Variants in CSMD1 observed in about 807,000 individuals in gnomAD.
The protein encoded by CSMD1 is CUB and sushi domain-containing protein 1.
Under a neutral mutation model 417.5 loss-of-function variants are expected in CSMD1, and 213 were observed. The observed-to-expected ratio is 0.51, with a 90% confidence interval of 0.46 to 0.57. The LOEUF (loss-of-function observed/expected upper bound fraction) is 0.57. Among genes scored for constraint, CSMD1 ranks in the 20% least tolerant of loss-of-function variants. The probability of loss-of-function intolerance (pLI) is 0.00; values close to 1 mark genes in which losing one functional copy is unlikely to be tolerated. For synonymous variants in CSMD1, 2,862 were observed against 1,736.8 expected (o/e 1.65, Z -16.11); for missense variants, 6,923 against 4,529.7 (o/e 1.53, Z -15.17).
chr8:3,658,419 G>A (rs1181695470), intron 7 of CSMD1, among the ~76,000 whole-genome samples: 2 of 148,020 alleles, frequency 1.4e-5, no homozygotes, highest in South Asian at 2.1e-4. Flanking sequence ...TGTTAGTAAT[G>A]TTTTGTTTTA....
At chr8:3,454,254 G>C (rs924569524) in intron 12 of CSMD1, among the ~76,000 whole-genome samples, 1 of 152,142 alleles carries the variant, frequency 6.6e-6, no homozygotes, top group African/African-American at 2.4e-5. Context: ...GATGGGTCTT[G>C]ACTCTTTATC....
intron 10 of CSMD1, among the ~76,000 whole-genome samples, chr8:3,530,907 G>C (rs1401562596): frequency 2.7e-5 from 4 of 150,822 alleles, no homozygotes; most frequent in Non-Finnish European, 4.4e-5. Flanking sequence ...ATCCAGACTG[G>C]AATGCAGTGG....
At chr8:4,689,005 A>C (rs1806584490) in intron 1 of CSMD1, among the ~76,000 whole-genome samples, 1 of 152,246 alleles carries the variant, frequency 6.6e-6, no homozygotes, top group South Asian at 2.1e-4. Context: ...TTATAGAACT[A>C]AATTGTCTGT....
chr8:4,033,312 G>T (rs898190560), intron 3 of CSMD1, among the ~76,000 whole-genome samples: 4 of 151,702 alleles, frequency 2.6e-5, no homozygotes, highest in Non-Finnish European at 5.9e-5. Context: ...CGTGGTGGCG[G>T]GCACCTGTAG....
chr8:4,274,038 T>C (rs1415580563), intron 3 of CSMD1, among the ~76,000 whole-genome samples: 1 of 152,156 alleles, frequency 6.6e-6, no homozygotes, highest in African/African-American at 2.4e-5. Flanking sequence ...TTAAAATAAA[T>C]GCAGAGTTGA....
chr8:3,364,448 A>G (rs80088332), intron 20 of CSMD1, among the ~76,000 whole-genome samples: 11,721 of 152,222 alleles, frequency 0.077, 595 homozygotes, highest in East Asian at 0.22. Flanking sequence ...CACTTTAAAG[A>G]CCCATGAAAG....
At chr8:4,012,935 G>C (rs1158918184) in intron 4 of CSMD1, among the ~76,000 whole-genome samples, 1 of 151,956 alleles carries the variant, frequency 6.6e-6, no homozygotes, top group Non-Finnish European at 1.5e-5. Flanking sequence ...ACAGCATTCT[G>C]AGTCCAAATG....
chr8:3,287,631 G>C (rs1261294074), intron 25 of CSMD1, among the ~76,000 whole-genome samples: 2 of 152,162 alleles, frequency 1.3e-5, no homozygotes, highest in Non-Finnish European at 2.9e-5. Context: ...GAGAATGCTT[G>C]TGATTTTTGC....
chr8:3,105,241 C>T (rs1344928118), intron 46 of CSMD1, among the ~76,000 whole-genome samples: 1 of 152,154 alleles, frequency 6.6e-6, no homozygotes, highest in African/African-American at 2.4e-5. Context: ...TTGCTCAAAG[C>T]TGCCTGATGG....
At chr8:3,776,427 C>A (rs1454090587) in intron 5 of CSMD1, among the ~76,000 whole-genome samples, 1 of 152,178 alleles carries the variant, frequency 6.6e-6, no homozygotes, top group Non-Finnish European at 1.5e-5. Context: ...CACTCCTGTC[C>A]TTCTCTAATC....
intron 8 of CSMD1, among the ~76,000 whole-genome samples, chr8:3,597,717 T>C (rs11998315): frequency 0.16 from 23,780 of 152,032 alleles, 2,188 homozygotes; most frequent in East Asian, 0.32. Context: ...ACCATCATTC[T>C]CAGCAAAGTA....
intron 69 of CSMD1, among the ~76,000 whole-genome samples, chr8:2,941,768 T>A (rs1230785621): frequency 6.6e-6 from 1 of 152,182 alleles, no homozygotes; most frequent in Non-Finnish European, 1.5e-5. Flanking sequence ...TTTGTATTTG[T>A]TGAAGAAAGA....
At chr8:4,829,857 G>C (rs192353139) in intron 1 of CSMD1, among the ~76,000 whole-genome samples, 1 of 152,152 alleles carries the variant, frequency 6.6e-6, no homozygotes, top group Non-Finnish European at 1.5e-5. Flanking sequence ...ACAAGGGGCT[G>C]GTCAGAGTGG....
At chr8:2,956,836 C>G (rs1296774499) in intron 63 of CSMD1, among the ~76,000 whole-genome samples, 1 of 151,914 alleles carries the variant, frequency 6.6e-6, no homozygotes, top group Non-Finnish European at 1.5e-5. Context: ...CAACAAATAC[C>G]TGATATTATC....
At chr8:4,629,887 A>G (rs971298320) in intron 2 of CSMD1, among the ~76,000 whole-genome samples, 9 of 152,114 alleles carry the variant, frequency 5.9e-5, no homozygotes, top group Non-Finnish European at 1.3e-4. Flanking sequence ...GTAAATCTGA[A>G]TGCTTTTCCT....
At chr8:3,980,019 T>G (rs1051856394) in intron 5 of CSMD1, among the ~76,000 whole-genome samples, 3 of 152,254 alleles carry the variant, frequency 2.0e-5, no homozygotes, top group Non-Finnish European at 4.4e-5. Flanking sequence ...AAACTGTGTA[T>G]TCACATGGCA....
chr8:3,142,371 C>T (rs1487329321), intron 41 of CSMD1, 94 bp downstream of exon 41: 19 of 1,111,816 alleles, frequency 1.7e-5, no homozygotes, highest in South Asian at 2.8e-5. Context: ...CTCGTACAAG[C>T]TTGGAACCAG....
intron 3 of CSMD1, among the ~76,000 whole-genome samples, chr8:4,154,358 G>C (rs1219239358): frequency 1.3e-5 from 2 of 152,212 alleles, no homozygotes; most frequent in Admixed American, 1.3e-4. Context: ...TCAAGCAAAT[G>C]TCCATGTTTT....
At chr8:3,353,729 AAT>A (rs1032186650) in intron 21 of CSMD1, among the ~76,000 whole-genome samples, 55 of 150,818 alleles carry the variant, frequency 3.6e-4, no homozygotes, top group Non-Finnish European at 6.5e-4. Context: ...AAAGTTTTTC[AAT>A]AGTCTATTTA....
Sources: gnomAD v4.1 joint callset for allele counts (sites outside exome capture counted in the v4.1 genomes callset) on GRCh38, gnomAD v4.1.1 for gene constraint, MANE v1.5 for transcripts, NCBI Gene and HGNC (gene_info 2026-07-23, HGNC 2026-07-21) for gene names.